MYO18A: variants seen among roughly 807,000 people sequenced by gnomAD.
The protein encoded by MYO18A is unconventional myosin-XVIIIa.
MYO18A carries 78 observed loss-of-function variants against 235.8 expected under a neutral mutation model. That is an observed-to-expected ratio of 0.33 (90% CI 0.28 to 0.40). The LOEUF (loss-of-function observed/expected upper bound fraction) is 0.40. Ranked by LOEUF, MYO18A falls within the 10% of genes least tolerant of loss-of-function variation. The pLI is 1.00. For synonymous variants in MYO18A, 977 were observed against 1,077.8 expected, an observed-to-expected ratio of 0.91 and a Z score of 1.83; for missense variants, 2,215 against 2,699.3, an observed-to-expected ratio of 0.82 and a Z score of 3.98.
intron 2 of MYO18A, among the ~76,000 whole-genome samples, chr17:29,154,644 G>A (rs966972307): frequency 3.3e-5 from 5 of 152,198 alleles, no homozygotes; most frequent in Non-Finnish European, 7.3e-5. Flanking sequence ...GACCCAGCCT[G>A]TGCCCGTGTC....
chr17:29,085,173 C>T (rs933390241), intron 40 of MYO18A, among the ~76,000 whole-genome samples: 11 of 152,220 alleles, frequency 7.2e-5, no homozygotes, highest in South Asian at 2.1e-4. Context: ...GAAACACGCC[C>T]GCTTCTTTCA....
intron 2 of MYO18A, among the ~76,000 whole-genome samples, chr17:29,143,213 G>A (rs2067778614): frequency 6.6e-6 from 1 of 152,148 alleles, no homozygotes; most frequent in Non-Finnish European, 1.5e-5. Context: ...CTCTGAGAAC[G>A]GTGTCCAGCA....
rs1037092161 is a variant in MYO18A, at chr17:29,120,833, G to T, written c.1586-75C>A. ...TCCCCCAGCTAGGAGCTACCCCAGAGGTATGAAGGCTTGGGGCCATTCAGA... is the reference window on the plus strand; with the variant it reads ...TCCCCCAGCTAGGAGCTACCCCAGATGTATGAAGGCTTGGGGCCATTCAGA... On this transcript the variant is annotated intron_variant, in intron 6 of 41. Transcript: ENST00000527372. This position sits in a 1 kb window ranked among gnomAD's most constrained non-coding sequence, Gnocchi z 4.2. 8.3e-6 allele frequency: 13 copies of T among 1,575,756 alleles called. No homozygotes were observed. In the Admixed American group the frequency reaches 1.9e-4, roughly 23 times the overall value.
intron 1 of MYO18A, among the ~76,000 whole-genome samples, chr17:29,179,086 G>A (rs538192123): frequency 6.6e-6 from 1 of 152,162 alleles, no homozygotes; most frequent in Non-Finnish European, 1.5e-5. Context: ...ATTCGGGGTG[G>A]CCATCTGAGG....
At chr17:29,148,775 T>A (rs1459721731) in intron 2 of MYO18A, among the ~76,000 whole-genome samples, 1 of 152,142 alleles carries the variant, frequency 6.6e-6, no homozygotes, top group Non-Finnish European at 1.5e-5. Context: ...AGGGATGGTC[T>A]CAGAGAGGAG....
intron 2 of MYO18A, among the ~76,000 whole-genome samples, chr17:29,154,895 G>A (rs569652887): frequency 6.6e-5 from 10 of 152,300 alleles, no homozygotes; most frequent in Non-Finnish European, 1.0e-4. Context: ...AGGGGCAGGG[G>A]CATGAGGGAA....
rs372814841 is a variant in MYO18A, at chr17:29,110,111, G to A, written c.3088-10C>T. ...TGTCGATGAGGGCGTCCTGCCGAGG[G>A]GAAGAGACTGCCCTCAGTGGGCTCT... On this transcript the variant is annotated splice_polypyrimidine_tract_variant and intron_variant, in intron 18 of 41. Transcript: ENST00000527372. The A allele has an allele frequency of 1.1e-5, 17 of 1,606,930 alleles. No homozygotes were observed. Among genetic ancestry groups the A allele is most frequent in the Non-Finnish European group, 1.4e-5 (17 of 1,179,016 alleles).
intron 19 of MYO18A, chr17:29,107,477 C>A: frequency 2.8e-6 from 1 of 354,958 alleles, no homozygotes; most frequent in Non-Finnish European, 5.3e-6. Flanking sequence ...GTGAGGTATG[C>A]AAATGGGGGG....
chr17:29,082,239 A>G, intron 41 of MYO18A, 77 bp downstream of exon 41: 1 of 1,586,954 alleles, frequency 6.3e-7, no homozygotes, highest in East Asian at 2.2e-5. Context: ...GCCTGCCCTC[A>G]TGGGATCCAG....
chr17:29,074,997 A>G lies in MYO18A; in HGVS notation c.6021-83T>C. On this transcript the variant is annotated intron_variant, in intron 41 of 41. Transcript: ENST00000527372. The surrounding 1 kb of genome is among the most constrained non-coding windows in gnomAD (Gnocchi z 4.4). ...ACGCCTTTGGTTCTGGAGGCCCACA[A>G]AGCTGCGTCAGAGCACTCCCCAAAA... is the stretch of plus-strand genomic sequence containing the variant. 1 of 1,550,976 alleles carries G rather than the reference A, an allele frequency of 6.4e-7. No homozygotes were observed.
chr17:29,112,146 G>A (rs1001683988), intron 15 of MYO18A, among the ~76,000 whole-genome samples: 2 of 152,198 alleles, frequency 1.3e-5, no homozygotes, highest in African/African-American at 2.4e-5. Flanking sequence ...CTGCTGGCCC[G>A]AGCCCGCGCC....
intron 1 of MYO18A, among the ~76,000 whole-genome samples, chr17:29,177,842 G>A (rs1489665651): frequency 1.3e-5 from 2 of 152,146 alleles, no homozygotes; most frequent in African/African-American, 2.4e-5. Context: ...TGCCTGTGGC[G>A]TCCACCCCAG....
In MYO18A at chr17:29,118,312, C is replaced by T; in HGVS notation, c.1893+65G>A. 2 of 1,567,172 alleles carry T rather than the reference C, an allele frequency of 1.3e-6. No individual in the cohort carries two copies. The highest frequency in any genetic ancestry group is 2.3e-5 in the East Asian group (1 of 43,162). The stretch of plus-strand genomic sequence containing the variant: ...CTGGGCTCCCACTATTCCCACAGGA[C>T]CCATGGAGGCTTCTCCTACCCCCAA... On this transcript the variant is annotated intron_variant, in intron 9 of 41. Transcript: ENST00000527372. The surrounding 1 kb of genome is among the most constrained non-coding windows in gnomAD (Gnocchi z 4.2).
chr17:29,122,098 G>T lies in MYO18A; in HGVS notation c.1087+68C>A, dbSNP rs2067215407. 7.8e-6 allele frequency: 12 copies of T among 1,544,702 alleles called. No individual in the cohort carries two copies. In the East Asian group the frequency reaches 2.7e-4, roughly 35 times the overall value. On this transcript the variant is annotated intron_variant, in intron 3 of 41. Transcript: ENST00000527372. ...GCTCAGCCCTCACCAGATGCAGAAG[G>T]CACATTCGCTGCCCAGCCCTGAGAC... is the stretch of plus-strand genomic sequence containing the variant.
rs1277339762 is a variant in MYO18A at position 29,120,657 on chromosome 17, C to A, written c.1687G>T (p.Asp563Tyr). The change falls in exon 7 of 42, where the codon GAC becomes TAC. Residue 563 changes from aspartate (D) to tyrosine (Y), a missense_variant. Coordinates refer to ENST00000527372, the MANE Select transcript of MYO18A (RefSeq NM_078471.4). The surrounding 1 kb of genome is among the most constrained non-coding windows in gnomAD (Gnocchi z 4.2). Reference sequence around the variant, plus strand: ...GCCACCTGGCCAGCTTGGTCAAAGTCCAGGGAGAGGATCTGGGAGAAGCGG... The same window carrying A: ...GCCACCTGGCCAGCTTGGTCAAAGTACAGGGAGAGGATCTGGGAGAAGCGG... ...ATRFSQILSL[D>Y]FDQAGQVASA... The A allele has an allele frequency of 6.2e-7, 1 of 1,613,992 alleles. No homozygotes were observed. The highest frequency in any genetic ancestry group is 8.5e-7 in the Non-Finnish European group (1 of 1,179,880).
rs2067181272 is a variant in MYO18A at position 29,120,878 on chromosome 17, G to A, written c.1585+120C>T. The A allele has an allele frequency of 2.6e-6, 4 of 1,560,624 alleles. No individual in the cohort carries two copies. Among genetic ancestry groups the A allele is most frequent in the Non-Finnish European group, 3.5e-6 (4 of 1,147,454 alleles). On this transcript the variant is annotated intron_variant, in intron 6 of 41. Coordinates refer to ENST00000527372, the MANE Select transcript of MYO18A (RefSeq NM_078471.4). The surrounding 1 kb of genome is among the most constrained non-coding windows in gnomAD (Gnocchi z 4.2). ...TTCAGACCAGAACTGCCCGTGGACA[G>A]AGGGGTTTCGGGGGGATGGAAAGGC...
At chr17:29,090,497 ACTCT>A in intron 36 of MYO18A, 31 bp downstream of exon 36, 1 of 1,536,886 alleles carries the variant, frequency 6.5e-7, no homozygotes, top group Non-Finnish European at 8.8e-7. Flanking sequence ...TGACCCTGGC[ACTCT>A]CTCTCTCCTG....
At chr17:29,150,741 C>A (rs1433725412) in intron 2 of MYO18A, among the ~76,000 whole-genome samples, 2 of 152,174 alleles carry the variant, frequency 1.3e-5, no homozygotes, top group Non-Finnish European at 2.9e-5. Flanking sequence ...GCAGCAAGAT[C>A]GCTTGTCTTC....
At chr17:29,161,355 CAAAAAAA>C (rs1175565325) in intron 2 of MYO18A, among the ~76,000 whole-genome samples, 47 of 50,328 alleles carry the variant, frequency 9.3e-4, no homozygotes, top group South Asian at 2.2e-3. Flanking sequence ...AACTCCATGT[CAAAAAAA>C]AAAAAAAAAA....
Sources: gnomAD v4.1 joint callset for allele counts (sites outside exome capture counted in the v4.1 genomes callset) on GRCh38, gnomAD v4.1.1 for gene constraint, Gnocchi (gnomAD v3.1) non-coding constraint, MANE v1.5 for transcripts, NCBI Gene and HGNC (gene_info 2026-07-23, HGNC 2026-07-21) for gene names.